CTU1: variants seen among roughly 807,000 people sequenced by gnomAD.
CTU1 encodes cytosolic thiouridylase subunit 1.
A neutral mutation model predicts 12.9 loss-of-function variants in CTU1; 15 were observed. The ratio of observed to expected loss-of-function variants is 1.16; its 90% CI spans 0.78 to 1.79. CTU1 has a LOEUF of 1.79. Among genes scored for constraint, CTU1 ranks in the 40% most tolerant of loss-of-function variants. The pLI, the probability that CTU1 is intolerant of heterozygous loss-of-function variation, is 0.00. For synonymous variants in CTU1, 295 were observed against 275.6 expected, an observed-to-expected ratio of 1.07 and a Z score of -0.70; for missense variants, 553 against 550.5, an observed-to-expected ratio of 1.00 and a Z score of -0.05.
rs1312502647 is a variant in CTU1 at position 51,104,468 on chromosome 19, GA to G, written c.101del (p.Phe34SerfsTer135). The G allele has an allele frequency of 7.6e-7, 1 of 1,312,020 alleles. No individual in the cohort carries two copies. The highest frequency in any genetic ancestry group is 9.7e-7 in the Non-Finnish European group (1 of 1,031,830). 81.3% of individuals were successfully genotyped at this position (1,312,020 alleles called of 1,614,324 possible). On this transcript the variant is annotated frameshift_variant, in exon 2 of 3. Transcript: ENST00000421832. LOFTEE classifies it high-confidence loss of function. ...ALCGACFCAA[F>X]EAEVLHTVLA... is the part of the protein sequence containing the mutation. The stretch of plus-strand genomic sequence containing the variant: ...GCACCGTGTGCAGCACCTCGGCCTC[GA>G]AGGCGGCGCAGAAGCAGGCACCGCA...
intron 1 of CTU1, among the ~76,000 whole-genome samples, chr19:51,107,083 C>G (rs2091922422): frequency 6.6e-6 from 1 of 152,136 alleles, no homozygotes; most frequent in African/African-American, 2.4e-5. Flanking sequence ...CTACAGTCAC[C>G]CAGTCCTGGG....
intron 1 of CTU1, among the ~76,000 whole-genome samples, chr19:51,107,303 T>A (rs1318704592): frequency 1.3e-5 from 2 of 151,974 alleles, no homozygotes; most frequent in African/African-American, 4.8e-5. Context: ...TCTAAAAAAA[T>A]AAATAAATAA....
intron 2 of CTU1, among the ~76,000 whole-genome samples, chr19:51,100,132 G>A (rs905049966): frequency 6.6e-6 from 1 of 152,144 alleles, no homozygotes; most frequent in Non-Finnish European, 1.5e-5. Flanking sequence ...GCACTGTGGT[G>A]CAGCTAGGTG....
In CTU1 at chr19:51,103,041, CAAT is replaced by C. The variant is rs566378506; in HGVS notation, c.508+1018_508+1020del. On this transcript the variant is annotated intron_variant, in intron 2 of 2. Transcript: ENST00000421832. Reference sequence around the variant, plus strand: ...AACTGTATTCTCAGCCCTAGCCTGACAATGATGATGATAATAGCATGTATAAAA... The same window carrying C: ...AACTGTATTCTCAGCCCTAGCCTGACGATGATGATAATAGCATGTATAAAA... 3.9e-3 allele frequency among the ~76,000 whole-genome samples: 593 copies of C among 152,274 alleles called. 6 individuals carry two copies. The highest frequency in any genetic ancestry group is 0.014 in the African/African-American group (564 of 41,542).
At position 51,098,402 on chromosome 19, in the gene CTU1, G is replaced by T; in HGVS notation, c.*199C>A. Reference sequence around the variant, plus strand: ...CCAGCCCCCTCCTCCCTCAGAGCCTGAAGCCCAGTTCGAGACCCTTCTTCC... The same window carrying T: ...CCAGCCCCCTCCTCCCTCAGAGCCTTAAGCCCAGTTCGAGACCCTTCTTCC... On this transcript the variant is annotated 3_prime_UTR_variant, in exon 3 of 3. Coordinates refer to ENST00000421832, the MANE Select transcript of CTU1 (RefSeq NM_145232.4). This position sits in a 1 kb window ranked among gnomAD's most constrained non-coding sequence, Gnocchi z 4.3. 2.4e-6 allele frequency: 1 copy of T among 420,672 alleles called. No homozygotes were observed. Among genetic ancestry groups the T allele is most frequent in the Non-Finnish European group, 3.8e-6 (1 of 260,226 alleles). The allele number at this position is 420,672 out of a possible 1,614,324, so 26.1% of individuals were successfully genotyped here. A position where few individuals can be genotyped will look rare whatever the true frequency, so the allele number is the denominator to read the frequency against.
rs71185800 is a variant in CTU1, at chr19:51,100,934, CGTGTGT to C, written c.509-1801_509-1796del. Among the ~76,000 whole-genome samples, 18 of 145,536 alleles carry C rather than the reference CGTGTGT, an allele frequency of 1.2e-4. No individual in the cohort carries two copies. In the East Asian group the frequency reaches 2.0e-3, roughly 16 times the overall value. The stretch of plus-strand genomic sequence containing the variant: ...TTTTTTTTCATTTTGTTTTATTGTG[CGTGTGT>C]GTGTGTGTGTGTGTGTGTGTTTGAG... On this transcript the variant is annotated intron_variant, in intron 2 of 2. Transcript: ENST00000421832.
Position 51,104,146 on chromosome 19 carries a change from A to G in CTU1, c.424T>C (p.Ser142Pro), listed in dbSNP as rs1279835429. 2 of 1,517,492 alleles carry G rather than the reference A, an allele frequency of 1.3e-6. No homozygotes were observed. Among genetic ancestry groups the G allele is most frequent in the African/African-American group, 2.9e-5 (2 of 69,810 alleles). 94.0% of individuals were successfully genotyped at this position (1,517,492 alleles called of 1,614,324 possible). A position where few individuals can be genotyped will look rare whatever the true frequency, so the allele number is the denominator to read the frequency against. ...RSTAGSGRSR[S>P]CCTFCGVLRR... ...AGCACTCCACAGAAGGTGCAGCAGG[A>G]GCGGCTGCGGCCGGAGCCGGCTGTG... The change falls in exon 2 of 3, where the codon TCC becomes CCC. Residue 142 changes from serine (S) to proline (P), a missense_variant. Coordinates refer to ENST00000421832, the MANE Select transcript of CTU1 (RefSeq NM_145232.4).
At chr19:51,099,233 G>C in intron 2 of CTU1, 94 bp from the exon 3 acceptor site, 1 of 1,161,262 alleles carries the variant, frequency 8.6e-7, no homozygotes, top group Non-Finnish European at 1.2e-6. Flanking sequence ...CCAGGACCCA[G>C]AGAGAGACTG....
chr19:51,105,307 T>G (rs2091917920), intron 1 of CTU1, among the ~76,000 whole-genome samples: 1 of 152,112 alleles, frequency 6.6e-6, no homozygotes, highest in South Asian at 2.1e-4. Flanking sequence ...AAGATTGAAC[T>G]CAACCCTGCT....
Position 51,099,149 on chromosome 19 carries a change from A to G in CTU1, c.509-10T>C. 1 of 1,566,396 alleles carries G rather than the reference A, an allele frequency of 6.4e-7. No homozygotes were observed. Among genetic ancestry groups the G allele is most frequent in the Non-Finnish European group, 8.6e-7 (1 of 1,165,704 alleles). On this transcript the variant is annotated splice_polypyrimidine_tract_variant and intron_variant, in intron 2 of 2. Transcript: ENST00000421832. ...TCGTCGGCGTTGTGACCTGGTGGGG[A>G]GAGAAGGGAGCGGGTGAGGTGGGGC... is the stretch of plus-strand genomic sequence containing the variant.
chr19:51,102,242 T>C (rs1419498191), intron 2 of CTU1, among the ~76,000 whole-genome samples: 1 of 152,172 alleles, frequency 6.6e-6, no homozygotes, highest in Non-Finnish European at 1.5e-5. Context: ...GACCTTGTGA[T>C]TCCGCCTGCC....
intron 2 of CTU1, among the ~76,000 whole-genome samples, chr19:51,101,656 G>A (rs183559050): frequency 4.7e-4 from 71 of 152,240 alleles, no homozygotes; most frequent in African/African-American, 1.6e-3. Context: ...TGTAGTAATG[G>A]TTACCTCCCA....
chr19:51,099,245 G>C, intron 2 of CTU1, 106 bp from the exon 3 acceptor site: 1 of 1,051,226 alleles, frequency 9.5e-7, no homozygotes, highest in Non-Finnish European at 1.3e-6. Flanking sequence ...GAGAGACTGG[G>C]AGGAGAGACC....
At chr19:51,099,494 A>G (rs112602978) in intron 2 of CTU1, among the ~76,000 whole-genome samples, 20 of 152,300 alleles carry the variant, frequency 1.3e-4, no homozygotes, top group African/African-American at 4.3e-4. Flanking sequence ...AGCCAGGTGC[A>G]GGCTGCAGGT....
Position 51,098,424 on chromosome 19 carries a change from T to G in CTU1, c.*177A>C, listed in dbSNP as rs1294425878. Reference sequence around the variant, plus strand: ...CCTGAAGCCCAGTTCGAGACCCTTCTTCCCTGAGACCTCGAAGTCTGGGGT... The same window carrying G: ...CCTGAAGCCCAGTTCGAGACCCTTCGTCCCTGAGACCTCGAAGTCTGGGGT... On this transcript the variant is annotated 3_prime_UTR_variant, in exon 3 of 3. Coordinates refer to ENST00000421832, the MANE Select transcript of CTU1 (RefSeq NM_145232.4). The surrounding 1 kb of genome is among the most constrained non-coding windows in gnomAD (Gnocchi z 4.3). 2.4e-5 allele frequency: 13 copies of G among 530,734 alleles called. No individual in the cohort carries two copies. The highest frequency in any genetic ancestry group is 3.6e-5 in the Non-Finnish European group (13 of 359,330). 32.9% of individuals were successfully genotyped at this position (530,734 alleles called of 1,614,324 possible). A position where few individuals can be genotyped will look rare whatever the true frequency, so the allele number is the denominator to read the frequency against.
Position 51,108,121 on chromosome 19 carries a change from G to A in CTU1, c.-22+226C>T, listed in dbSNP as rs567993461. 6.6e-6 allele frequency among the ~76,000 whole-genome samples: 1 copy of A among 151,926 alleles called. No homozygotes were observed. The highest frequency in any genetic ancestry group is 2.1e-4 in the South Asian group (1 of 4,828). Reference sequence around the variant, plus strand: ...GACAGGCAGATAGTAACATAGGGGCGGGGGCAAGCAGATGGTCTTATCCTG... The same window carrying A: ...GACAGGCAGATAGTAACATAGGGGCAGGGGCAAGCAGATGGTCTTATCCTG... On this transcript the variant is annotated intron_variant, in intron 1 of 2. Transcript: ENST00000421832. This position sits in a 1 kb window ranked among gnomAD's most constrained non-coding sequence, Gnocchi z 4.5.
intron 2 of CTU1, among the ~76,000 whole-genome samples, chr19:51,099,941 GA>G (rs2091903195): frequency 6.6e-6 from 1 of 152,102 alleles, no homozygotes; most frequent in Non-Finnish European, 1.5e-5. Context: ...AAGACCCTTA[GA>G]GGGGAGGAGG....
chr19:51,100,492 C>A (rs1195592876), intron 2 of CTU1, among the ~76,000 whole-genome samples: 1 of 151,954 alleles, frequency 6.6e-6, no homozygotes, highest in Non-Finnish European at 1.5e-5. Context: ...GCACCTGTAA[C>A]CCCAGCTGAG....
chr19:51,098,868 C>A lies in CTU1; in HGVS notation c.780G>T (p.Pro260=), dbSNP rs778383706. The part of the protein sequence containing the change: ...DLLKRLEAAR[P]SAVLDLVHSA... ...AGTGCACGAGGTCCAGCACCGCGGA[C>A]GGCCGCGCCGCCTCCAGGCGCTTGA... Residue 260 remains proline (P), a synonymous_variant, in exon 3 of 3, where the codon CCG becomes CCT. Coordinates refer to ENST00000421832, the MANE Select transcript of CTU1 (RefSeq NM_145232.4). The surrounding 1 kb of genome is among the most constrained non-coding windows in gnomAD (Gnocchi z 4.3). 5 of 1,414,502 alleles carry A rather than the reference C, an allele frequency of 3.5e-6. No individual in the cohort carries two copies. The highest frequency in any genetic ancestry group is 4.9e-5 in the Admixed American group (2 of 41,196). The allele number at this position is 1,414,502 out of a possible 1,614,324, so 87.6% of individuals were successfully genotyped here.
Sources: allele counts gnomAD v4.1 joint callset (sites outside exome capture counted in the v4.1 genomes callset), GRCh38; gene constraint gnomAD v4.1.1; non-coding constraint Gnocchi (gnomAD v3.1); transcripts MANE v1.5; gene names NCBI Gene and HGNC (gene_info 2026-07-23, HGNC 2026-07-21).